Variants in SYDE2 observed in about 807,000 individuals in gnomAD.
SYDE2 encodes rho GTPase-activating protein SYDE2.
SYDE2 carries 76 observed loss-of-function variants against 91.5 expected under a neutral mutation model. That is an observed-to-expected ratio of 0.83 (90% CI 0.69 to 1.01). The LOEUF (loss-of-function observed/expected upper bound fraction) is 1.01, where lower values mean the gene tolerates loss of function less well. Among genes scored for constraint, SYDE2 ranks in the 50% least tolerant of loss-of-function variants. The probability of loss-of-function intolerance (pLI) is 0.00; values close to 1 mark genes in which losing one functional copy is unlikely to be tolerated. For missense variants in SYDE2, 1,364 were observed against 1,367.7 expected, an observed-to-expected ratio of 1.00 and a Z score of 0.04; for synonymous variants, 513 against 506.4, an observed-to-expected ratio of 1.01 and a Z score of -0.18.
intron 4 of SYDE2, among the ~76,000 whole-genome samples, chr1:85,173,923 G>A (rs190397442): frequency 1.2e-3 from 176 of 152,268 alleles, no homozygotes; most frequent in African/African-American, 4.0e-3. Flanking sequence ...CGAACTTCTA[G>A]TAGTGAAAAT....
intron 2 of SYDE2, among the ~76,000 whole-genome samples, chr1:85,183,402 T>G (rs1282956055): frequency 6.6e-6 from 1 of 152,078 alleles, no homozygotes; most frequent in East Asian, 1.9e-4. Flanking sequence ...TCCCAATTAT[T>G]TAAAATTTAA....
At chr1:85,186,697 C>T (rs1248326503) in intron 2 of SYDE2, among the ~76,000 whole-genome samples, 29 of 151,662 alleles carry the variant, frequency 1.9e-4, no homozygotes, top group Non-Finnish European at 3.4e-4. Flanking sequence ...ACAGAGCCCT[C>T]AGAAATAATG....
At chr1:85,199,873 CG>C (rs1658743815) in intron 1 of SYDE2, among the ~76,000 whole-genome samples, 1 of 151,936 alleles carries the variant, frequency 6.6e-6, no homozygotes, top group Non-Finnish European at 1.5e-5. Flanking sequence ...CAAAAGTCTA[CG>C]GATTTGCCTA....
rs532829139 is a variant in SYDE2, at chr1:85,177,029, C to T, written c.2671+1117G>A. Among the ~76,000 whole-genome samples the T allele has an allele frequency of 1.8e-4, 27 of 152,196 alleles. No homozygotes were observed. In the South Asian group the frequency reaches 4.8e-3, roughly 27 times the overall value. On this transcript the variant is annotated intron_variant, in intron 4 of 6. Coordinates refer to ENST00000341460, the MANE Select transcript of SYDE2 (RefSeq NM_032184.2). ...CCTTTTCTTTTCTCATATAATCTCTCCATAGAATGACTGTATCACACCTTT... is the reference window on the plus strand; with the variant it reads ...CCTTTTCTTTTCTCATATAATCTCTTCATAGAATGACTGTATCACACCTTT...
chr1:85,182,240 G>A lies in SYDE2; in HGVS notation c.2402C>T (p.Ser801Phe), dbSNP rs1431772731. The change falls in exon 3 of 7, where the codon TCT becomes TTT. Residue 801 changes from serine to phenylalanine, a missense_variant. Transcript: ENST00000341460. Reference sequence around the variant, plus strand: ...TTGGTTTATATCTAGTCCATGAAGAGAATTCTCCCACTGTTCCATAAGAGT... The same window carrying A: ...TTGGTTTATATCTAGTCCATGAAGAAAATTCTCCCACTGTTCCATAAGAGT... ...KVTLMEQWEN[S>F]LHGLDINQEP... The A allele has an allele frequency of 3.7e-6, 6 of 1,610,112 alleles. No individual in the cohort carries two copies. Among genetic ancestry groups the A allele is most frequent in the Non-Finnish European group, 5.1e-6 (6 of 1,178,780 alleles).
At position 85,190,173 on chromosome 1, in the gene SYDE2, G is replaced by A. The variant is rs769072462; in HGVS notation, c.1325C>T (p.Pro442Leu). The change falls in exon 2 of 7, where the codon CCT (proline) becomes CTT (leucine). Residue 442 changes from proline (P) to leucine (L), a missense_variant. Physicochemically the swap from Pro to Leu is moderately conservative, Grantham distance 98. Coordinates refer to ENST00000341460, the MANE Select transcript of SYDE2 (RefSeq NM_032184.2). ...IQTTRSNGMN[P>L]IHPAHSTEFV... is the part of the protein sequence containing the mutation. ...TTCTGTGGAATGGGCAGGATGTATAGGATTCATTCCATTTGACCGTGTGGT... is the reference window on the plus strand; with the variant it reads ...TTCTGTGGAATGGGCAGGATGTATAAGATTCATTCCATTTGACCGTGTGGT... 1 of 1,613,962 alleles carries A rather than the reference G, an allele frequency of 6.2e-7. No homozygotes were observed. The highest frequency in any genetic ancestry group is 8.5e-7 in the Non-Finnish European group (1 of 1,179,880).
At chr1:85,170,908 T>C (rs1258474639) in intron 4 of SYDE2, among the ~76,000 whole-genome samples, 1 of 152,206 alleles carries the variant, frequency 6.6e-6, no homozygotes, top group Non-Finnish European at 1.5e-5. Context: ...AATCACTTTG[T>C]ATATATGCAG....
chr1:85,156,326 C>T (rs912552140), downstream of SYDE2, among the ~76,000 whole-genome samples: 1 of 151,028 alleles, frequency 6.6e-6, no homozygotes, highest in Non-Finnish European at 1.5e-5. Context: ...GCGGGTGGAT[C>T]GCTTGAGCCC....
intron 4 of SYDE2, among the ~76,000 whole-genome samples, chr1:85,173,890 G>A (rs543670946): frequency 6.6e-6 from 1 of 152,148 alleles, no homozygotes; most frequent in Admixed American, 6.5e-5. Flanking sequence ...GTAGAGACAT[G>A]GAAAATACTG....
At chr1:85,191,628 C>T (rs1333184789) in intron 1 of SYDE2, among the ~76,000 whole-genome samples, 2 of 151,816 alleles carry the variant, frequency 1.3e-5, no homozygotes, top group Non-Finnish European at 2.9e-5. Flanking sequence ...CATGGTGGCA[C>T]GTGCCTGCAG....
chr1:85,178,107 T>C, intron 4 of SYDE2, 39 bp downstream of exon 4: 1 of 1,475,390 alleles, frequency 6.8e-7, no homozygotes, highest in Non-Finnish European at 9.2e-7. Flanking sequence ...AGATGTAGTC[T>C]TTCCAGAAAG....
intron 6 of SYDE2, chr1:85,160,223 T>A (rs2100642114): frequency 1.0e-6 from 1 of 974,178 alleles, no homozygotes; most frequent in Admixed American, 6.1e-5. Flanking sequence ...CTTTATACTC[T>A]CCAATATATA....
Position 85,190,645 on chromosome 1 carries a change from A to C in SYDE2, c.853T>G (p.Ser285Ala). The C allele has an allele frequency of 6.2e-7, 1 of 1,613,902 alleles. No individual in the cohort carries two copies. The highest frequency in any genetic ancestry group is 8.5e-7 in the Non-Finnish European group (1 of 1,179,858). Reference protein sequence around the residue: ...GHKPLNSITVSKKRNWLYQST... With the variant: ...GHKPLNSITVAKKRNWLYQST... ...TGATATAGCCAATTGCGTTTCTTTG[A>C]AACAGTGATGCTGTTAAGTGGCTTA... is the stretch of plus-strand genomic sequence containing the variant. Residue 285 changes from serine (S) to alanine (A), a missense_variant, in exon 2 of 7, where the codon TCA becomes GCA. Transcript: ENST00000341460.
chr1:85,160,350 C>A (rs914839525), intron 6 of SYDE2: 17 of 887,490 alleles, frequency 1.9e-5, no homozygotes, highest in Non-Finnish European at 2.3e-5. Flanking sequence ...ATAGATCTCA[C>A]ACTTTTTTAA....
intron 4 of SYDE2, among the ~76,000 whole-genome samples, chr1:85,177,088 TTC>T (rs1365953923): frequency 6.6e-6 from 1 of 152,104 alleles, no homozygotes; most frequent in Non-Finnish European, 1.5e-5. Flanking sequence ...TTCCCAAACA[TTC>T]TGACTCCTTT....
In SYDE2 at chr1:85,190,495, T is replaced by C. The variant is rs778484711; in HGVS notation, c.1003A>G (p.Lys335Glu). 6.2e-7 allele frequency: 1 copy of C among 1,614,022 alleles called. No homozygotes were observed. Among genetic ancestry groups the C allele is most frequent in the Non-Finnish European group, 8.5e-7 (1 of 1,179,876 alleles). The change falls in exon 2 of 7, where the codon AAA (lysine) becomes GAA (glutamate). Residue 335 changes from lysine (K) to glutamate (E), a missense_variant. By Grantham distance (56) the Lys-to-Glu change is moderately conservative (BLOSUM62 1). Coordinates refer to ENST00000341460, the MANE Select transcript of SYDE2 (RefSeq NM_032184.2). Reference protein sequence around the residue: ...QLSQSFLKSSKEYCTYVVCNA... With the variant: ...QLSQSFLKSSEEYCTYVVCNA... ...CATACCACATATGTACAGTACTCTT[T>C]AGATGATTTGAGGAAAGACTGTGAT...
intron 2 of SYDE2, among the ~76,000 whole-genome samples, chr1:85,186,223 T>A (rs1408958977): frequency 6.6e-6 from 1 of 152,240 alleles, no homozygotes; most frequent in Non-Finnish European, 1.5e-5. Flanking sequence ...CATTTTTGCA[T>A]CAATGTTCAT....
At chr1:85,192,486 T>C (rs761904123) in intron 1 of SYDE2, among the ~76,000 whole-genome samples, 1 of 152,036 alleles carries the variant, frequency 6.6e-6, no homozygotes, top group African/African-American at 2.4e-5. Flanking sequence ...TAATAATAAA[T>C]AAATAAATAA....
At position 85,183,127 on chromosome 1, in the gene SYDE2, A is replaced by T; in HGVS notation, c.1515T>A (p.Pro505=). 6.2e-7 allele frequency: 1 copy of T among 1,611,842 alleles called. No homozygotes were observed. Among genetic ancestry groups the T allele is most frequent in the South Asian group, 1.1e-5 (1 of 90,482 alleles). ...IMEPSSPNPS[P]VKKGSSINWS... is the part of the protein sequence containing the mutation. ...AATTAATTGAACTGCCTTTTTTCAC[A>T]GGGCTAGGATTTGGAGAAGATGGTT... is the stretch of plus-strand genomic sequence containing the variant. The change falls in exon 3 of 7, where the codon CCT becomes CCA. Residue 505 remains proline (P), a synonymous_variant. Transcript: ENST00000341460.
Sources: gnomAD v4.1 joint callset for allele counts (sites outside exome capture counted in the v4.1 genomes callset) on GRCh38, gnomAD v4.1.1 for gene constraint, MANE v1.5 for transcripts, NCBI Gene and HGNC (gene_info 2026-07-23, HGNC 2026-07-21) for gene names.